The following SKAP1 variants were observed in gnomAD, a reference collection of about 807,000 sequenced individuals.
The protein encoded by SKAP1 is src kinase-associated phosphoprotein 1.
Under a neutral mutation model 58.5 loss-of-function variants are expected in SKAP1, and 44 were observed. The ratio of observed to expected loss-of-function variants is 0.75; its 90% CI spans 0.59 to 0.97. The LOEUF is 0.97. Among genes scored for constraint, SKAP1 ranks in the 50% least tolerant of loss-of-function variants. The pLI, the probability that SKAP1 is intolerant of heterozygous loss-of-function variation, is 0.00. For missense variants in SKAP1, 390 were observed against 435.2 expected (o/e 0.90, Z 0.92); for synonymous variants, 127 against 149.7 (o/e 0.85, Z 1.11).
intron 4 of SKAP1, among the ~76,000 whole-genome samples, chr17:48,248,338 G>T (rs569107301): frequency 6.6e-6 from 1 of 152,082 alleles, no homozygotes; most frequent in African/African-American, 2.4e-5. Flanking sequence ...AAGCCGAGGC[G>T]GTTGGATCAT....
At chr17:48,192,361 C>T (rs2064558376) in intron 4 of SKAP1, among the ~76,000 whole-genome samples, 1 of 151,832 alleles carries the variant, frequency 6.6e-6, no homozygotes, top group Admixed American at 6.6e-5. Flanking sequence ...TGCCAAGAGT[C>T]TGAATCATAA....
intron 10 of SKAP1, among the ~76,000 whole-genome samples, chr17:48,165,617 C>T (rs2064129354): frequency 6.6e-6 from 1 of 152,054 alleles, no homozygotes; most frequent in Non-Finnish European, 1.5e-5. Context: ...TCATGCTGGT[C>T]TTGAACTCCC....
chr17:48,226,153 G>C (rs2065066232), intron 4 of SKAP1, among the ~76,000 whole-genome samples: 1 of 152,120 alleles, frequency 6.6e-6, no homozygotes, highest in African/African-American at 2.4e-5. Flanking sequence ...TTCCCCTACT[G>C]TCCCCCAAAT....
chr17:48,437,731 G>A, the SKAP1 span, among the ~76,000 whole-genome samples: 1 of 100,566 alleles, frequency 9.9e-6, no homozygotes, highest in Non-Finnish European at 1.8e-5. Flanking sequence ...GACAGAGCAA[G>A]ACTCTGTCTC....
At chr17:48,323,133 A>C (rs1380833941) in intron 4 of SKAP1, among the ~76,000 whole-genome samples, 1 of 151,870 alleles carries the variant, frequency 6.6e-6, no homozygotes, top group African/African-American at 2.4e-5. Context: ...ATAAGGTAGA[A>C]TGAACGCTGG....
intron 2 of SKAP1, among the ~76,000 whole-genome samples, chr17:48,372,438 C>T (rs958211097): frequency 2.6e-5 from 4 of 152,140 alleles, no homozygotes; most frequent in Non-Finnish European, 4.4e-5. Context: ...TCCCGAGTAG[C>T]TGGGATTACA....
chr17:48,395,623 T>C (rs1367080396), intron 2 of SKAP1, among the ~76,000 whole-genome samples: 2 of 152,338 alleles, frequency 1.3e-5, no homozygotes, highest in South Asian at 4.1e-4. Context: ...CCAAAAATTA[T>C]AGATATTCCC....
chr17:48,201,858 A>G (rs557471228), intron 4 of SKAP1, among the ~76,000 whole-genome samples: 1 of 152,338 alleles, frequency 6.6e-6, no homozygotes, highest in East Asian at 1.9e-4. Flanking sequence ...GGAAATAGCT[A>G]TTGATAGCAA....
At chr17:48,352,316 C>G (rs1230928030) in intron 3 of SKAP1, among the ~76,000 whole-genome samples, 1 of 152,206 alleles carries the variant, frequency 6.6e-6, no homozygotes, top group Non-Finnish European at 1.5e-5. Flanking sequence ...CACATTCCAT[C>G]TACCACTGGT....
intron 4 of SKAP1, among the ~76,000 whole-genome samples, chr17:48,288,761 G>A (rs1489168339): frequency 6.6e-6 from 1 of 152,124 alleles, no homozygotes; most frequent in Non-Finnish European, 1.5e-5. Flanking sequence ...TAGCCAACTT[G>A]TTATCATAAC....
At chr17:48,268,752 A>G (rs1420883056) in intron 4 of SKAP1, among the ~76,000 whole-genome samples, 1 of 152,096 alleles carries the variant, frequency 6.6e-6, no homozygotes, top group Non-Finnish European at 1.5e-5. Flanking sequence ...TCAGCCTCCC[A>G]AAGTGCTGGA....
At chr17:48,161,548 T>C (rs2064069635) in intron 11 of SKAP1, among the ~76,000 whole-genome samples, 1 of 152,254 alleles carries the variant, frequency 6.6e-6, no homozygotes, top group Admixed American at 6.5e-5. Flanking sequence ...GTGATTGATC[T>C]GTAATAATCC....
intron 4 of SKAP1, among the ~76,000 whole-genome samples, chr17:48,251,023 G>T (rs1241150934): frequency 6.6e-6 from 1 of 152,206 alleles, no homozygotes; most frequent in African/African-American, 2.4e-5. Flanking sequence ...TGAGAGCTTT[G>T]AGTTCTCAAA....
At chr17:48,372,073 G>A (rs1036191439) in intron 2 of SKAP1, among the ~76,000 whole-genome samples, 2 of 151,854 alleles carry the variant, frequency 1.3e-5, no homozygotes, top group African/African-American at 2.4e-5. Context: ...CTGGGTTCAC[G>A]CGATTCTCGT....
intron 4 of SKAP1, among the ~76,000 whole-genome samples, chr17:48,235,534 C>G (rs1213803116): frequency 1.3e-5 from 2 of 152,058 alleles, no homozygotes; most frequent in Non-Finnish European, 2.9e-5. Flanking sequence ...AATGCAGACA[C>G]AGTCATTTCA....
At chr17:48,210,179 T>C (rs12150533) in intron 4 of SKAP1, among the ~76,000 whole-genome samples, 84,967 of 152,078 alleles carry the variant, frequency 0.56, 24,722 homozygotes, top group East Asian at 0.77. Flanking sequence ...CGCTTATCCA[T>C]GAGGTCACGT....
At chr17:48,294,175 G>A (rs193048821) in intron 4 of SKAP1, among the ~76,000 whole-genome samples, 1 of 152,106 alleles carries the variant, frequency 6.6e-6, no homozygotes, top group African/African-American at 2.4e-5. Context: ...TAATCTAATG[G>A]AGTAAAGTCC....
At chr17:48,238,219 C>G (rs899190992) in intron 4 of SKAP1, among the ~76,000 whole-genome samples, 14 of 152,098 alleles carry the variant, frequency 9.2e-5, no homozygotes, top group African/African-American at 3.1e-4. Context: ...GTCTCGAACT[C>G]CTGGCCTCAG....
At chr17:48,394,473 C>T (rs2067390829) in intron 2 of SKAP1, among the ~76,000 whole-genome samples, 1 of 151,964 alleles carries the variant, frequency 6.6e-6, no homozygotes, top group African/African-American at 2.4e-5. Context: ...TCCCAAATGG[C>T]TGGGACCACA....
Sources: allele counts gnomAD v4.1 joint callset (sites outside exome capture counted in the v4.1 genomes callset), GRCh38; gene constraint gnomAD v4.1.1; transcripts MANE v1.5; gene names NCBI Gene and HGNC (gene_info 2026-07-23, HGNC 2026-07-21).